The following PLXDC2 variants were observed in gnomAD, a reference collection of about 807,000 sequenced individuals.
PLXDC2 encodes the protein plexin domain containing 2, also known as plexin domain-containing protein 2.
PLXDC2 carries 40 observed loss-of-function variants against 68.9 expected under a neutral mutation model. That is an observed-to-expected ratio of 0.58 (90% CI 0.45 to 0.76). PLXDC2 has a LOEUF of 0.76. Ranked by LOEUF, PLXDC2 falls within the 30% of genes least tolerant of loss-of-function variation. The probability of loss-of-function intolerance (pLI) is 0.00; values close to 1 mark genes in which losing one functional copy is unlikely to be tolerated. For missense variants in PLXDC2, 644 were observed against 661.9 expected, an observed-to-expected ratio of 0.97 and a Z score of 0.30; for synonymous variants, 243 against 234.2, an observed-to-expected ratio of 1.04 and a Z score of -0.34.
At chr10:19,942,049 G>C (rs544004914) in intron 1 of PLXDC2, among the ~76,000 whole-genome samples, 81 of 151,856 alleles carry the variant, frequency 5.3e-4, no homozygotes, top group African/African-American at 1.8e-3. Flanking sequence ...CACAGAAGCA[G>C]AAAGCCCAAG....
At chr10:20,033,476 C>G (rs1174947861) in intron 2 of PLXDC2, among the ~76,000 whole-genome samples, 1 of 152,042 alleles carries the variant, frequency 6.6e-6, no homozygotes, top group Non-Finnish European at 1.5e-5. Context: ...TCTCATGCTA[C>G]TAAATAAAGA....
chr10:19,882,219 T>G (rs1837740086), intron 1 of PLXDC2, among the ~76,000 whole-genome samples: 1 of 152,256 alleles, frequency 6.6e-6, no homozygotes, highest in Non-Finnish European at 1.5e-5. Flanking sequence ...TTTTTCCTCC[T>G]AAGATCTTAA....
chr10:19,891,049 T>G (rs1837950492), intron 1 of PLXDC2, among the ~76,000 whole-genome samples: 1 of 152,186 alleles, frequency 6.6e-6, no homozygotes, highest in Non-Finnish European at 1.5e-5. Context: ...TGATCTGCCA[T>G]GCAGTCTTCT....
At chr10:19,927,169 G>A (rs1385359226) in intron 1 of PLXDC2, among the ~76,000 whole-genome samples, 1 of 152,052 alleles carries the variant, frequency 6.6e-6, no homozygotes, top group African/African-American at 2.4e-5. Context: ...AGAATTCTGG[G>A]AATAAAAAGA....
intron 1 of PLXDC2, among the ~76,000 whole-genome samples, chr10:19,835,638 G>A (rs973575583): frequency 1.3e-5 from 2 of 152,182 alleles, no homozygotes; most frequent in Non-Finnish European, 2.9e-5. Context: ...CAAGGTCAGA[G>A]TCCTAGAGAG....
intron 1 of PLXDC2, among the ~76,000 whole-genome samples, chr10:19,920,534 G>A (rs909472674): frequency 1.3e-5 from 2 of 152,222 alleles, no homozygotes; most frequent in Non-Finnish European, 2.9e-5. Flanking sequence ...TGGAAGGAGG[G>A]GGAGTTTGGC....
intron 1 of PLXDC2, among the ~76,000 whole-genome samples, chr10:19,956,727 G>A (rs1213271403): frequency 6.6e-6 from 1 of 152,202 alleles, no homozygotes; most frequent in Non-Finnish European, 1.5e-5. Context: ...CTAGAATTTA[G>A]AACATTCTGT....
At chr10:20,134,588 G>A (rs1833909488) in intron 4 of PLXDC2, among the ~76,000 whole-genome samples, 1 of 152,182 alleles carries the variant, frequency 6.6e-6, no homozygotes, top group South Asian at 2.1e-4. Context: ...GGGTCTGCAT[G>A]ACAGGCATGG....
intron 2 of PLXDC2, among the ~76,000 whole-genome samples, 169 bp from the exon 3 acceptor site, chr10:20,046,700 G>C (rs912794692): frequency 1.3e-5 from 2 of 152,046 alleles, no homozygotes; most frequent in Non-Finnish European, 2.9e-5. Flanking sequence ...TCGTATGTGT[G>C]TGTGTGCACA....
At chr10:20,034,820 T>C (rs1329630818) in intron 2 of PLXDC2, among the ~76,000 whole-genome samples, 1 of 152,188 alleles carries the variant, frequency 6.6e-6, no homozygotes, top group South Asian at 2.1e-4. Flanking sequence ...TGCTTACAGA[T>C]TTCAGTACAG....
rs577425669 is a variant in PLXDC2, at chr10:20,047,091, C to A, written c.471+76C>A. On this transcript the variant is annotated intron_variant, in intron 3 of 13. Transcript: ENST00000377252. ...TGCTTTAATTGGCCTACAACCATTT[C>A]TTTTATGAGTTTGATAATTAAATAT... 2.2e-6 allele frequency: 3 copies of A among 1,384,668 alleles called. No homozygotes were observed. In the South Asian group the frequency reaches 5.0e-5, roughly 23 times the overall value. The allele number at this position is 1,384,668 out of a possible 1,614,324, so 85.8% of individuals were successfully genotyped here.
intron 12 of PLXDC2, among the ~76,000 whole-genome samples, chr10:20,237,426 C>T (rs1194472596): frequency 2.0e-5 from 3 of 151,812 alleles, no homozygotes; most frequent in South Asian, 2.1e-4. Context: ...ATAAAACACC[C>T]AAAGAAACTC....
In PLXDC2 at chr10:20,023,503, T is replaced by C. The variant is rs146419220; in HGVS notation, c.324+21517T>C. Among the ~76,000 whole-genome samples, 1,298 of 152,294 alleles carry C rather than the reference T, an allele frequency of 8.5e-3. 8 individuals carry two copies. Among genetic ancestry groups the C allele is most frequent in the Middle Eastern group, 0.021 (6 of 292 alleles). ...ATGAATGGATTAATGCTGTTATTGA[T>C]GGAGGGGTTTCTGATAAAAGGATGA... On this transcript the variant is annotated intron_variant, in intron 2 of 13. Transcript: ENST00000377252.
chr10:20,021,010 A>G (rs988914759), intron 2 of PLXDC2, among the ~76,000 whole-genome samples: 3 of 152,202 alleles, frequency 2.0e-5, no homozygotes, highest in African/African-American at 7.2e-5. Context: ...AATAGCAAAC[A>G]ACTGGTCACA....
At chr10:20,258,328 T>C (rs1835769031) in intron 13 of PLXDC2, among the ~76,000 whole-genome samples, 1 of 152,018 alleles carries the variant, frequency 6.6e-6, no homozygotes, top group East Asian at 1.9e-4. Context: ...TGTCTTTTCC[T>C]TCCTTTCGCC....
chr10:19,964,396 G>A (rs1029080720), intron 1 of PLXDC2, among the ~76,000 whole-genome samples: 3 of 152,120 alleles, frequency 2.0e-5, no homozygotes, highest in African/African-American at 7.2e-5. Flanking sequence ...TTCAGGATTG[G>A]CCCTTTTCCA....
rs1274076043 is a variant in PLXDC2, at chr10:20,287,105, A to C, written c.*7286A>C. 1.3e-5 allele frequency: 2 copies of C among 152,234 alleles called. No individual in the cohort carries two copies. The highest frequency in any genetic ancestry group is 4.8e-5 in the African/African-American group (2 of 41,450). The allele number at this position is 152,234 out of a possible 1,614,324, so 9.4% of individuals were successfully genotyped here. A position where few individuals can be genotyped will look rare whatever the true frequency, so the allele number is the denominator to read the frequency against. On this transcript the variant is annotated 3_prime_UTR_variant, in exon 14 of 14. Transcript: ENST00000377252. ...AAATTTAGGTCATTCAGACATCCAG[A>C]CACTGGGGCACATATTCTGCAAGCA...
At chr10:19,891,030 C>G (rs1164155820) in intron 1 of PLXDC2, among the ~76,000 whole-genome samples, 3 of 152,120 alleles carry the variant, frequency 2.0e-5, no homozygotes, top group Non-Finnish European at 4.4e-5. Context: ...GACCTCATTT[C>G]TTTCTTGCTG....
At chr10:20,136,027 A>G (rs2461924) in intron 4 of PLXDC2, among the ~76,000 whole-genome samples, 142,288 of 152,220 alleles carry the variant, frequency 0.93, 66,584 homozygotes, top group Non-Finnish European at 0.95. Context: ...GGTTGGAATT[A>G]TAAAGGGAAA....
Sources: allele counts gnomAD v4.1 joint callset (sites outside exome capture counted in the v4.1 genomes callset), GRCh38; gene constraint gnomAD v4.1.1; transcripts MANE v1.5; gene names NCBI Gene and HGNC (gene_info 2026-07-23, HGNC 2026-07-21).